PLSCR4: variants seen among roughly 807,000 people sequenced by gnomAD.
PLSCR4 encodes the protein Ca(2+)-dependent phospholipid scramblase 4.
PLSCR4 carries 25 observed loss-of-function variants against 36.3 expected under a neutral mutation model. The ratio of observed to expected loss-of-function variants is 0.69; its 90% CI spans 0.50 to 0.96. PLSCR4 has a LOEUF of 0.96. Among genes scored for constraint, PLSCR4 ranks in the 40% least tolerant of loss-of-function variants. The pLI is 0.00. For missense variants in PLSCR4, 408 were observed against 414.7 expected, an observed-to-expected ratio of 0.98 and a Z score of 0.14; for synonymous variants, 122 against 132.9, an observed-to-expected ratio of 0.92 and a Z score of 0.56.
chr3:146,221,034 G>T, intron 2 of PLSCR4, 109 bp from the exon 3 acceptor site: 1 of 595,902 alleles, frequency 1.7e-6, no homozygotes, highest in Non-Finnish European at 2.9e-6. Context: ...TAATCAACTG[G>T]AAAATACACT....
At chr3:146,224,568 C>T (rs535748419) in intron 1 of PLSCR4, among the ~76,000 whole-genome samples, 1 of 152,054 alleles carries the variant, frequency 6.6e-6, no homozygotes, top group African/African-American at 2.4e-5. Flanking sequence ...AGCTGCAGAC[C>T]TTCGCGGTGA....
chr3:146,201,501 A>G (rs1341271866), intron 4 of PLSCR4, among the ~76,000 whole-genome samples: 1 of 152,106 alleles, frequency 6.6e-6, no homozygotes, highest in Non-Finnish European at 1.5e-5. Context: ...AGAAAAGGGA[A>G]GTCTCTCAGT....
At position 146,199,895 on chromosome 3, in the gene PLSCR4, C is replaced by A. The variant is rs759473143; in HGVS notation, c.542G>T (p.Cys181Phe). Reference protein sequence around the residue: ...LRPFVLRVTDCMGREIMTMQR... With the variant: ...LRPFVLRVTDFMGREIMTMQR... The stretch of plus-strand genomic sequence containing the variant: ...CATTGTCATGATTTCTCGGCCCATA[C>A]AATCAGTGACCCGGAGGACGAAGGG... The change falls in exon 6 of 9, where the codon TGT becomes TTT. Residue 181 changes from cysteine (C) to phenylalanine (F), a missense_variant. Physicochemically the swap from Cys to Phe is radical, Grantham distance 205 (BLOSUM62 -2). Coordinates refer to ENST00000354952, the MANE Select transcript of PLSCR4 (RefSeq NM_020353.3). The A allele has an allele frequency of 4.3e-6, 7 of 1,613,456 alleles. No homozygotes were observed. The highest frequency in any genetic ancestry group is 2.2e-5 in the East Asian group (1 of 44,864).
intron 4 of PLSCR4, among the ~76,000 whole-genome samples, chr3:146,202,276 T>G (rs1262841843): frequency 6.6e-6 from 1 of 151,988 alleles, no homozygotes; most frequent in East Asian, 1.9e-4. Flanking sequence ...ACAGGCATAC[T>G]CTGAAGATAC....
chr3:146,216,738 A>G (rs1050046502), intron 3 of PLSCR4, among the ~76,000 whole-genome samples: 1 of 151,864 alleles, frequency 6.6e-6, no homozygotes, highest in African/African-American at 2.4e-5. Flanking sequence ...GAAGAAGAGC[A>G]CCCCAGGCGT....
intron 1 of PLSCR4, among the ~76,000 whole-genome samples, chr3:146,241,272 A>G (rs1370924393): frequency 1.3e-5 from 2 of 152,234 alleles, no homozygotes; most frequent in African/African-American, 4.8e-5. Context: ...AACTCTGAAT[A>G]TACTAAAAAT....
At position 146,224,653 on chromosome 3, in the gene PLSCR4, A is replaced by C. The variant is rs567713190; in HGVS notation, c.-21-2561T>G. Among the ~76,000 whole-genome samples the C allele has an allele frequency of 5.5e-4, 84 of 152,154 alleles. 5 individuals are homozygous for C. The Middle Eastern group carries it at 0.01, about 18-fold the overall frequency. ...AGATTTATTGCAAACAGCAAAAGAA[A>C]AAAAGCTTCCACAGTGTGGAAGGGG... On this transcript the variant is annotated intron_variant, in intron 1 of 8. Transcript: ENST00000354952.
chr3:146,222,739 G>C (rs1222877624), intron 1 of PLSCR4, among the ~76,000 whole-genome samples: 1 of 152,138 alleles, frequency 6.6e-6, no homozygotes, highest in East Asian at 1.9e-4. Flanking sequence ...TTTGCAACTG[G>C]GAAGTCTGGA....
At chr3:146,221,335 T>C (rs1365196369) in intron 2 of PLSCR4, among the ~76,000 whole-genome samples, 2 of 152,208 alleles carry the variant, frequency 1.3e-5, no homozygotes, top group African/African-American at 4.8e-5. Context: ...TGGAAAGTGC[T>C]GTCTAAAAAG....
intron 7 of PLSCR4, 64 bp downstream of exon 7, chr3:146,196,568 C>A: frequency 1.3e-6 from 2 of 1,494,800 alleles, no homozygotes; most frequent in South Asian, 1.2e-5. Flanking sequence ...ACAACCAGAT[C>A]TTTCCATGGT....
At chr3:146,214,601 C>T (rs1271258557) in intron 3 of PLSCR4, among the ~76,000 whole-genome samples, 1 of 151,932 alleles carries the variant, frequency 6.6e-6, no homozygotes, top group Non-Finnish European at 1.5e-5. Context: ...TCTTCTACCA[C>T]TGGGGTAGAA....
chr3:146,227,921 C>T (rs951298282), intron 1 of PLSCR4, among the ~76,000 whole-genome samples: 1 of 152,236 alleles, frequency 6.6e-6, no homozygotes, highest in African/African-American at 2.4e-5. Context: ...CTTTGTCCAT[C>T]TTAATCTTCC....
intron 3 of PLSCR4, among the ~76,000 whole-genome samples, chr3:146,210,627 AAATGTAC>A (rs57302587): frequency 0.32 from 48,443 of 151,362 alleles, 7,802 homozygotes; most frequent in Admixed American, 0.37. Flanking sequence ...TCCTTTTTTA[AAATGTAC>A]AATGTAGTGG....
chr3:146,208,845 C>T (rs2034476909), intron 3 of PLSCR4, among the ~76,000 whole-genome samples: 1 of 152,102 alleles, frequency 6.6e-6, no homozygotes, highest in Non-Finnish European at 1.5e-5. Context: ...CTATGGAAAA[C>T]AGTGTGGAGA....
intron 1 of PLSCR4, among the ~76,000 whole-genome samples, chr3:146,249,656 T>C (rs1029859865): frequency 4.6e-5 from 7 of 150,718 alleles, no homozygotes; most frequent in Non-Finnish European, 8.9e-5. Flanking sequence ...ATATTTTGTA[T>C]TTTATTATTT....
intron 1 of PLSCR4, among the ~76,000 whole-genome samples, chr3:146,242,921 T>C (rs2036207366): frequency 6.6e-6 from 1 of 152,214 alleles, no homozygotes; most frequent in South Asian, 2.1e-4. Context: ...CATTGTCCAC[T>C]TTTATATTAG....
rs2033447894 is a variant in PLSCR4, at chr3:146,192,555, T to A, written c.*1856A>T. 1 of 151,558 alleles carries A rather than the reference T, an allele frequency of 6.6e-6. No individual in the cohort carries two copies. The highest frequency in any genetic ancestry group is 2.1e-4 in the South Asian group (1 of 4,826). 9.4% of individuals were successfully genotyped at this position (151,558 alleles called of 1,614,324 possible). A position where few individuals can be genotyped will look rare whatever the true frequency, so the allele number is the denominator to read the frequency against. On this transcript the variant is annotated 3_prime_UTR_variant, in exon 9 of 9. Transcript: ENST00000354952. ...AACTCTAAGAGACAAATATAATTTTTTAAAAAAGAAATTAAAAATATCACG... is the reference window on the plus strand; with the variant it reads ...AACTCTAAGAGACAAATATAATTTTATAAAAAAGAAATTAAAAATATCACG...
In PLSCR4 at chr3:146,194,464, G is replaced by A. The variant is rs891581492; in HGVS notation, c.946-9C>T. 18 of 1,560,500 alleles carry A rather than the reference G, an allele frequency of 1.2e-5. No individual in the cohort carries two copies. Among genetic ancestry groups the A allele is most frequent in the Non-Finnish European group, 1.5e-5 (17 of 1,131,634 alleles). On this transcript the variant is annotated splice_polypyrimidine_tract_variant and intron_variant, in intron 8 of 8. Coordinates refer to ENST00000354952, the MANE Select transcript of PLSCR4 (RefSeq NM_020353.3). ...TCAAAATACATGAAGTCCTGAAATT[G>A]GAAAAAGAATTATATGTAGATATAT...
chr3:146,199,995 T>G lies in PLSCR4; in HGVS notation c.442A>C (p.Asn148His), dbSNP rs2108217128. ...ETNNRYDIKN[N>H]SDQMVYIVTE... Reference sequence around the variant, plus strand: ...ACAATGTAAACCATCTGGTCTGAGTTGTTTTTAATATCATATCTATTATTA... The same window carrying G: ...ACAATGTAAACCATCTGGTCTGAGTGGTTTTTAATATCATATCTATTATTA... The change falls in exon 6 of 9, where the codon AAC becomes CAC. Residue 148 changes from asparagine to histidine, a missense_variant. Transcript: ENST00000354952. The G allele has an allele frequency of 4.3e-6, 7 of 1,610,314 alleles. No individual in the cohort carries two copies. In the Middle Eastern group the frequency reaches 5.0e-4, roughly 114 times the overall value.
Sources: allele counts gnomAD v4.1 joint callset (sites outside exome capture counted in the v4.1 genomes callset), GRCh38; gene constraint gnomAD v4.1.1; transcripts MANE v1.5; gene names NCBI Gene and HGNC (gene_info 2026-07-23, HGNC 2026-07-21).